Variants in KIRREL3 observed in about 807,000 individuals in gnomAD.
KIRREL3 encodes the protein kirre like nephrin family adhesion molecule 3.
In KIRREL3, 36 loss-of-function variants were observed where a neutral mutation model predicts 89.7. That is an observed-to-expected ratio of 0.40 (90% CI 0.31 to 0.53). The LOEUF (loss-of-function observed/expected upper bound fraction) is 0.53, where lower values mean the gene tolerates loss of function less well. Ranked by LOEUF, KIRREL3 falls within the 20% of genes least tolerant of loss-of-function variation. KIRREL3 has a pLI of 0.49. For synonymous variants in KIRREL3, 445 were observed against 441.4 expected, an observed-to-expected ratio of 1.01 and a Z score of -0.10; for missense variants, 864 against 1,056.6, an observed-to-expected ratio of 0.82 and a Z score of 2.53.
At chr11:126,466,111 C>A (rs1956715975) in intron 5 of KIRREL3, among the ~76,000 whole-genome samples, 1 of 152,178 alleles carries the variant, frequency 6.6e-6, no homozygotes, top group African/African-American at 2.4e-5. Context: ...ATTAGGCCCT[C>A]TGACTGCTCC....
At position 126,575,710 on chromosome 11, in the gene KIRREL3, G is replaced by C. The variant is rs12576799; in HGVS notation, c.56-12798C>G. On this transcript the variant is annotated intron_variant, in intron 1 of 16. Coordinates refer to ENST00000525144, the MANE Select transcript of KIRREL3 (RefSeq NM_032531.4). This position sits in a 1 kb window ranked among gnomAD's most constrained non-coding sequence, Gnocchi z 7.0. ...GCAGCTCAAGGAACAGCTTTGTTCAGCTCTCAGAGGAAGGGGCTGCCTGGT... is the reference window on the plus strand; with the variant it reads ...GCAGCTCAAGGAACAGCTTTGTTCACCTCTCAGAGGAAGGGGCTGCCTGGT... 0.15 allele frequency among the ~76,000 whole-genome samples: 22,588 copies of C among 152,072 alleles called. 2,180 individuals carry two copies. Among genetic ancestry groups the C allele is most frequent in the South Asian group, 0.36 (1,743 of 4,804 alleles).
rs956620419 is a variant in KIRREL3, at chr11:126,578,216, C to G, written c.56-15304G>C. Among the ~76,000 whole-genome samples, 4 of 152,078 alleles carry G rather than the reference C, an allele frequency of 2.6e-5. No homozygotes were observed. The highest frequency in any genetic ancestry group is 5.9e-5 in the Non-Finnish European group (4 of 68,012). On this transcript the variant is annotated intron_variant, in intron 1 of 16. Transcript: ENST00000525144. The surrounding 1 kb of genome is among the most constrained non-coding windows in gnomAD (Gnocchi z 4.9). ...TCTTTTCTTTTCCAAAATAAACAAC[C>G]CTTAGGATGTTTCGGTCCTGGGATG...
At chr11:126,540,878 C>A (rs1458548040) in intron 2 of KIRREL3, among the ~76,000 whole-genome samples, 1 of 152,152 alleles carries the variant, frequency 6.6e-6, no homozygotes, top group Non-Finnish European at 1.5e-5. Context: ...CCTGGCTAAG[C>A]CCCCTTTCTT....
intron 1 of KIRREL3, among the ~76,000 whole-genome samples, chr11:126,604,604 G>C (rs1004314182): frequency 6.6e-6 from 1 of 152,182 alleles, no homozygotes; most frequent in Non-Finnish European, 1.5e-5. Context: ...GGAGGGTTCT[G>C]ATCCGTTGGC....
rs1015385694 is a variant in KIRREL3, at chr11:126,739,969, A to G, written c.56-177057T>C. Reference sequence around the variant, plus strand: ...CAGAGATGAGGAAATCTAATCATCCATACAGCTGCACTCTGAATTTGTCAT... The same window carrying G: ...CAGAGATGAGGAAATCTAATCATCCGTACAGCTGCACTCTGAATTTGTCAT... On this transcript the variant is annotated intron_variant, in intron 1 of 16. Coordinates refer to ENST00000525144, the MANE Select transcript of KIRREL3 (RefSeq NM_032531.4). The surrounding 1 kb of genome is among the most constrained non-coding windows in gnomAD (Gnocchi z 5.5). Among the ~76,000 whole-genome samples, 9 of 152,322 alleles carry G rather than the reference A, an allele frequency of 5.9e-5. No individual in the cohort carries two copies. In the East Asian group the frequency reaches 7.7e-4, roughly 13 times the overall value.
At position 126,903,130 on chromosome 11, in the gene KIRREL3, CT is replaced by C. The variant is rs1946436552; in HGVS notation, c.55+97324del. ...AAAAAAGAATAGCTGTGGTAAAGCACTCTCTCAGGCACAAATATGCTTCTGA... is the reference window on the plus strand; with the variant it reads ...AAAAAAGAATAGCTGTGGTAAAGCACCTCTCAGGCACAAATATGCTTCTGA... On this transcript the variant is annotated intron_variant, in intron 1 of 16. Coordinates refer to ENST00000525144, the MANE Select transcript of KIRREL3 (RefSeq NM_032531.4). The surrounding 1 kb of genome is among the most constrained non-coding windows in gnomAD (Gnocchi z 4.5). Among the ~76,000 whole-genome samples, 1 of 152,174 alleles carries C rather than the reference CT, an allele frequency of 6.6e-6. No homozygotes were observed. Among genetic ancestry groups the C allele is most frequent in the African/African-American group, 2.4e-5 (1 of 41,440 alleles).
Position 126,997,064 on chromosome 11 carries a change from G to C in KIRREL3, c.55+3391C>G, listed in dbSNP as rs1460725322. On this transcript the variant is annotated intron_variant, in intron 1 of 16. Transcript: ENST00000525144. This position sits in a 1 kb window ranked among gnomAD's most constrained non-coding sequence, Gnocchi z 4.3. ...AGATCAGAGATCTCCCTGGAGGCAG[G>C]GAGTCATCAGTCCTCTAGGACCTTA... Among the ~76,000 whole-genome samples, 1 of 152,072 alleles carries C rather than the reference G, an allele frequency of 6.6e-6. No individual in the cohort carries two copies. The highest frequency in any genetic ancestry group is 2.4e-5 in the African/African-American group (1 of 41,400).
chr11:126,878,349 G>T lies in KIRREL3; in HGVS notation c.55+122106C>A, dbSNP rs113381657. ...GTCTCACCACCTCCCACCCCCATTA[G>T]ATATATATACTGTTGCATTTCTAAG... is the stretch of plus-strand genomic sequence containing the variant. On this transcript the variant is annotated intron_variant, in intron 1 of 16. Transcript: ENST00000525144. 7.3e-3 allele frequency among the ~76,000 whole-genome samples: 1,115 copies of T among 152,232 alleles called. 3 individuals carry two copies. Among genetic ancestry groups the T allele is most frequent in the Non-Finnish European group, 0.012 (798 of 68,024 alleles).
chr11:126,661,468 G>A (rs978212885), intron 1 of KIRREL3, among the ~76,000 whole-genome samples: 1 of 152,216 alleles, frequency 6.6e-6, no homozygotes, highest in South Asian at 2.1e-4. Context: ...ACTCAAGAAG[G>A]TCAGAAAGCC....
intron 1 of KIRREL3, among the ~76,000 whole-genome samples, chr11:126,617,122 A>G (rs1943386427): frequency 6.6e-6 from 1 of 151,496 alleles, no homozygotes; most frequent in East Asian, 2.0e-4. Context: ...ATTTTGGGGA[A>G]TGGCCACAGA....
At position 126,844,473 on chromosome 11, in the gene KIRREL3, G is replaced by A. The variant is rs1339041141; in HGVS notation, c.55+155982C>T. Among the ~76,000 whole-genome samples, 1 of 152,174 alleles carries A rather than the reference G, an allele frequency of 6.6e-6. No individual in the cohort carries two copies. Among genetic ancestry groups the A allele is most frequent in the East Asian group, 1.9e-4 (1 of 5,188 alleles). On this transcript the variant is annotated intron_variant, in intron 1 of 16. Transcript: ENST00000525144. The surrounding 1 kb of genome is among the most constrained non-coding windows in gnomAD (Gnocchi z 4.8). ...TGCAGCACTGATTGGCAGATTTTGG[G>A]TAGGTGGTGGGGTACCCAGATAAAG...
chr11:126,716,840 C>T (rs1370656952), intron 1 of KIRREL3, among the ~76,000 whole-genome samples: 1 of 151,928 alleles, frequency 6.6e-6, no homozygotes, highest in African/African-American at 2.4e-5. Flanking sequence ...GGGATCCACC[C>T]ATTATTTGCA....
At chr11:126,757,592 C>T (rs910838649) in intron 1 of KIRREL3, among the ~76,000 whole-genome samples, 1 of 152,198 alleles carries the variant, frequency 6.6e-6, no homozygotes, top group African/African-American at 2.4e-5. Flanking sequence ...GTTTTAGGGT[C>T]CCCTCAAAGT....
In KIRREL3 at chr11:126,428,867, G is replaced by A. The variant is rs1417392405; in HGVS notation, c.1806+312C>T. On this transcript the variant is annotated intron_variant, in intron 15 of 16. Coordinates refer to ENST00000525144, the MANE Select transcript of KIRREL3 (RefSeq NM_032531.4). This position sits in a 1 kb window ranked among gnomAD's most constrained non-coding sequence, Gnocchi z 6.4. The stretch of plus-strand genomic sequence containing the variant: ...TCACCATGTTGGCCAGGCTGGTCTC[G>A]AACTCCTAATCTCAAGTGATCCGCC... Among the ~76,000 whole-genome samples, 1 of 152,134 alleles carries A rather than the reference G, an allele frequency of 6.6e-6. No individual in the cohort carries two copies. Among genetic ancestry groups the A allele is most frequent in the Non-Finnish European group, 1.5e-5 (1 of 68,028 alleles).
rs369900892 is a variant in KIRREL3 at position 126,516,223 on chromosome 11, A to G, written c.433+5092T>C. Among the ~76,000 whole-genome samples the G allele has an allele frequency of 2.8e-4, 43 of 152,280 alleles. No homozygotes were observed. In the East Asian group the frequency reaches 5.0e-3, roughly 18 times the overall value. On this transcript the variant is annotated intron_variant, in intron 4 of 16. Transcript: ENST00000525144. This position sits in a 1 kb window ranked among gnomAD's most constrained non-coding sequence, Gnocchi z 4.9. ...ACTTAGTCTCCCTCTTAAATAATTCATGTTGATTTAGGAAGCTTTATTTCT... is the reference window on the plus strand; with the variant it reads ...ACTTAGTCTCCCTCTTAAATAATTCGTGTTGATTTAGGAAGCTTTATTTCT...
At position 126,441,293 on chromosome 11, in the gene KIRREL3, A is replaced by T. The variant is rs974664040; in HGVS notation, c.1253-744T>A. 4.6e-5 allele frequency among the ~76,000 whole-genome samples: 7 copies of T among 152,230 alleles called. No individual in the cohort carries two copies. The highest frequency in any genetic ancestry group is 1.0e-4 in the Non-Finnish European group (7 of 68,034). On this transcript the variant is annotated intron_variant, in intron 10 of 16. Coordinates refer to ENST00000525144, the MANE Select transcript of KIRREL3 (RefSeq NM_032531.4). This position sits in a 1 kb window ranked among gnomAD's most constrained non-coding sequence, Gnocchi z 5.0. The stretch of plus-strand genomic sequence containing the variant: ...AGTGTGGCACATGTTTATGGGTGTC[A>T]GGTTCTGAGAGCGCCTGTCTCATTC...
intron 1 of KIRREL3, among the ~76,000 whole-genome samples, chr11:126,961,978 C>G (rs117187509): frequency 2.2e-4 from 33 of 152,310 alleles, no homozygotes; most frequent in Non-Finnish European, 4.0e-4. Context: ...ATTTTAAGCC[C>G]ACTGTTGAGA....
At chr11:126,847,420 T>C (rs1944185407) in intron 1 of KIRREL3, among the ~76,000 whole-genome samples, 1 of 152,110 alleles carries the variant, frequency 6.6e-6, no homozygotes, top group South Asian at 2.1e-4. Context: ...CCACAGACAA[T>C]TGTTGTCTTG....
chr11:126,503,660 A>T (rs1291253918), intron 4 of KIRREL3, among the ~76,000 whole-genome samples: 1 of 152,152 alleles, frequency 6.6e-6, no homozygotes, highest in Non-Finnish European at 1.5e-5. Flanking sequence ...CTCCATTGTG[A>T]TGATGTGGGA....
Sources: allele counts gnomAD v4.1 joint callset (sites outside exome capture counted in the v4.1 genomes callset), GRCh38; gene constraint gnomAD v4.1.1; non-coding constraint Gnocchi (gnomAD v3.1); transcripts MANE v1.5; gene names NCBI Gene and HGNC (gene_info 2026-07-23, HGNC 2026-07-21).